SPANXN4: variants seen among roughly 807,000 people sequenced by gnomAD.
SPANXN4 encodes SPANX family member N4, also known as sperm protein associated with the nucleus on the X chromosome N4.
Under a neutral mutation model 6.0 loss-of-function variants are expected in SPANXN4, and 5 were observed. The observed-to-expected ratio is 0.83, with a 90% CI of 0.44 to 1.75. The LOEUF is 1.75. Ranked by LOEUF, SPANXN4 falls within the 40% of genes most tolerant of loss-of-function variation. The pLI, the probability that SPANXN4 is intolerant of heterozygous loss-of-function variation, is 0.02. For missense variants in SPANXN4, 157 were observed against 108.6 expected (o/e 1.45, Z -1.98); for synonymous variants, 45 against 38.0 (o/e 1.19, Z -0.68).
chrX:143,034,050 C>T lies in SPANXN4; in HGVS notation c.101C>T (p.Ser34Leu), dbSNP rs939899866. ...AAGAAGAAGAATCTGCACAGAGCCT[C>T]AGCCCCTGAACAGAGTTTGAAAGAG... The change falls in exon 2 of 3, where the codon TCA becomes TTA. Residue 34 changes from serine to leucine, a missense_variant. By Grantham distance (145) the Ser-to-Leu change is moderately radical. Transcript: ENST00000370504. 3.4e-6 allele frequency: 4 copies of T among 1,175,892 alleles called. No homozygotes were observed. The African/African-American group carries it at 7.1e-5, about 21-fold the overall frequency.
At position 143,031,256 on chromosome X, in the gene SPANXN4, T is replaced by C. The variant is rs187812335; in HGVS notation, c.79-2772T>C. On this transcript the variant is annotated intron_variant, in intron 1 of 2. Transcript: ENST00000370504. ...CTGATTGTGCCTAGAGGGGATTTCA[T>C]TGACTTTCACGATAGAGACAGAGGA... 2.0e-3 allele frequency among the ~76,000 whole-genome samples: 224 copies of C among 110,947 alleles called. 3 individuals carry two copies. Among genetic ancestry groups the C allele is most frequent in the African/African-American group, 6.5e-3 (197 of 30,477 alleles).
At chrX:143,033,892 C>T (rs779175124) in intron 1 of SPANXN4, 133 bp from the exon 2 acceptor site, 68 of 559,119 alleles carry the variant, frequency 1.2e-4, no homozygotes, top group South Asian at 9.6e-4. Context: ...CCCTATGATT[C>T]CACCTTGCTC....
chrX:143,034,193 A>G (rs1932830149), exon 2 of SPANXN4: 1 of 1,178,694 alleles, frequency 8.5e-7, no homozygotes, highest in Non-Finnish European at 1.1e-6. Flanking sequence ...AATCAAAGAG[A>G]AAGGAGACCT....
intron 1 of SPANXN4, among the ~76,000 whole-genome samples, chrX:143,029,976 C>G: frequency 9.0e-6 from 1 of 111,029 alleles, no homozygotes; most frequent in Admixed American, 9.5e-5. Context: ...AGGCCTTGGT[C>G]AGAATGTACA....
intron 1 of SPANXN4, among the ~76,000 whole-genome samples, chrX:143,033,415 A>G (rs1055747632): frequency 3.6e-5 from 4 of 111,232 alleles, no homozygotes; most frequent in African/African-American, 6.6e-5. Context: ...AAGGGAAGGC[A>G]AGGGTTAAAG....
chrX:143,032,110 G>A (rs1315010467), intron 1 of SPANXN4, among the ~76,000 whole-genome samples: 1 of 112,002 alleles, frequency 8.9e-6, no homozygotes, highest in African/African-American at 3.3e-5. Context: ...CTTCTGGGGA[G>A]AGGGTGGAGG....
downstream of SPANXN4, among the ~76,000 whole-genome samples, chrX:143,035,406 C>G (rs181388049): frequency 1.4e-3 from 156 of 110,376 alleles, no homozygotes; most frequent in African/African-American, 4.9e-3. Context: ...TCCACTCAGG[C>G]CTGTTTTTAA....
intron 1 of SPANXN4, among the ~76,000 whole-genome samples, chrX:143,029,479 G>A (rs1426451722): frequency 9.0e-6 from 1 of 111,329 alleles, no homozygotes; most frequent in Non-Finnish European, 1.9e-5. Flanking sequence ...TAATGGTGAC[G>A]TGGACAGCTG....
At chrX:143,038,341 C>A (rs1412877140), downstream of SPANXN4, among the ~76,000 whole-genome samples, 1 of 111,613 alleles carries the variant, frequency 9.0e-6, no homozygotes, top group Non-Finnish European at 1.9e-5. Context: ...TTATTTTCTC[C>A]TTTCTACACA....
At position 143,033,802 on chromosome X, in the gene SPANXN4, C is replaced by G. The variant is rs190355834; in HGVS notation, c.79-226C>G. On this transcript the variant is annotated intron_variant, in intron 1 of 2. Transcript: ENST00000370504. ...ACTTTGACCGAGGTCTGCATAATAG[C>G]AGGGAGCTTACAAAGTCATGCAGTT... Among the ~76,000 whole-genome samples, 41 of 111,615 alleles carry G rather than the reference C, an allele frequency of 3.7e-4. 2 individuals carry two copies. The highest frequency in any genetic ancestry group is 2.7e-3 in the Admixed American group (29 of 10,547).
chrX:143,034,278 C>A (rs752707181), intron 2 of SPANXN4: 1 of 1,111,883 alleles, frequency 9.0e-7, no homozygotes, highest in Non-Finnish European at 1.2e-6. Context: ...CCACTGATGG[C>A]GATGATTACA....
downstream of SPANXN4, chrX:143,034,809 GA>G (rs1394884303): frequency 1.0e-6 from 1 of 981,793 alleles, no homozygotes; most frequent in East Asian, 3.5e-5. Flanking sequence ...CGCTTGTTAA[GA>G]AACTCTAGGT....
chrX:143,032,124 GCATGA>G (rs974099100), intron 1 of SPANXN4, among the ~76,000 whole-genome samples: 1 of 111,777 alleles, frequency 8.9e-6, no homozygotes, highest in Non-Finnish European at 1.9e-5. Flanking sequence ...GTGGAGGAGA[GCATGA>G]CATACGTGTC....
intron 1 of SPANXN4, among the ~76,000 whole-genome samples, chrX:143,031,680 T>C (rs1171060210): frequency 8.9e-6 from 1 of 111,793 alleles, no homozygotes; most frequent in Admixed American, 9.5e-5. Flanking sequence ...CAGCATTTGG[T>C]ATTTAGCCTG....
At chrX:143,030,679 T>C (rs967128554) in intron 1 of SPANXN4, among the ~76,000 whole-genome samples, 1 of 110,697 alleles carries the variant, frequency 9.0e-6, no homozygotes, top group Non-Finnish European at 1.9e-5. Context: ...AAGTGTATGG[T>C]AGATGGGGCA....
downstream of SPANXN4, among the ~76,000 whole-genome samples, chrX:143,037,905 A>C (rs917562019): frequency 4.5e-5 from 5 of 111,623 alleles, no homozygotes; most frequent in Non-Finnish European, 9.4e-5. Context: ...TGAGGCCTGC[A>C]AAGCCATGCT....
downstream of SPANXN4, among the ~76,000 whole-genome samples, chrX:143,035,638 T>G (rs1454992001): frequency 9.1e-6 from 1 of 110,494 alleles, no homozygotes; most frequent in Non-Finnish European, 1.9e-5. Flanking sequence ...TACAGAAGTG[T>G]GATGGATTTT....
chrX:143,034,458 G>A (rs1602659513), intron 2 of SPANXN4, 147 bp downstream of exon 2: 7 of 1,115,424 alleles, frequency 6.3e-6, no homozygotes, highest in Middle Eastern at 3.6e-4. Context: ...AAAGACTGGG[G>A]GAGGACTGAT....
intron 1 of SPANXN4, among the ~76,000 whole-genome samples, chrX:143,032,599 A>G (rs1361468603): frequency 1.8e-5 from 2 of 110,793 alleles, no homozygotes; most frequent in African/African-American, 6.6e-5. Context: ...ATTGGCAGAG[A>G]GAGAGAGCAA....
Sources: allele counts gnomAD v4.1 joint callset (sites outside exome capture counted in the v4.1 genomes callset), GRCh38; gene constraint gnomAD v4.1.1; transcripts MANE v1.5; gene names NCBI Gene and HGNC (gene_info 2026-07-23, HGNC 2026-07-21).